The following ALCAM variants were observed in gnomAD, a reference collection of about 807,000 sequenced individuals.
ALCAM encodes CD166 antigen.
Under a neutral mutation model 70.9 loss-of-function variants are expected in ALCAM, and 30 were observed. The observed-to-expected ratio is 0.42, with a 90% confidence interval of 0.32 to 0.57. ALCAM has a LOEUF of 0.57. ALCAM is among the 20% of genes least tolerant of loss of function. The pLI, the probability that ALCAM is intolerant of heterozygous loss-of-function variation, is 0.11. For synonymous variants in ALCAM, 249 were observed against 242.5 expected (o/e 1.03, Z -0.25); for missense variants, 591 against 695.1 (o/e 0.85, Z 1.68).
chr3:105,420,536 T>C (rs1289595321), intron 1 of ALCAM, among the ~76,000 whole-genome samples: 2 of 151,712 alleles, frequency 1.3e-5, no homozygotes, highest in Non-Finnish European at 3.0e-5. Flanking sequence ...TGGAATTATA[T>C]TACTGAATTT....
intron 1 of ALCAM, among the ~76,000 whole-genome samples, chr3:105,376,606 AG>A (rs1367398289): frequency 6.6e-6 from 1 of 152,248 alleles, no homozygotes; most frequent in Non-Finnish European, 1.5e-5. Context: ...ATGTTCTCTC[AG>A]GGAAACAGAT....
intron 14 of ALCAM, among the ~76,000 whole-genome samples, chr3:105,559,379 A>G (rs568203960): frequency 1.3e-5 from 2 of 151,138 alleles, no homozygotes; most frequent in Non-Finnish European, 2.9e-5. Flanking sequence ...AAAAAAACAA[A>G]ACAAATTTAT....
chr3:105,408,066 C>G (rs1936294133), intron 1 of ALCAM, among the ~76,000 whole-genome samples: 1 of 151,980 alleles, frequency 6.6e-6, no homozygotes, highest in Non-Finnish European at 1.5e-5. Context: ...ATACATGACA[C>G]AAACAAATGA....
intron 1 of ALCAM, among the ~76,000 whole-genome samples, chr3:105,415,812 T>A (rs1468554691): frequency 2.0e-5 from 3 of 152,110 alleles, no homozygotes; most frequent in Non-Finnish European, 4.4e-5. Context: ...TTTACAAAGA[T>A]AATTTATTTT....
chr3:105,456,116 G>A (rs2152594619), intron 1 of ALCAM, among the ~76,000 whole-genome samples: 1 of 152,224 alleles, frequency 6.6e-6, no homozygotes, highest in Admixed American at 6.5e-5. Flanking sequence ...AAACAAAAAA[G>A]TAGGTGTAAA....
chr3:105,415,971 G>T (rs139155753), intron 1 of ALCAM, among the ~76,000 whole-genome samples: 1 of 151,982 alleles, frequency 6.6e-6, no homozygotes, highest in African/African-American at 2.4e-5. Flanking sequence ...AAGGCAACCA[G>T]GTATGACATG....
chr3:105,367,354 C>G lies in ALCAM; in HGVS notation c.-55C>G. The G allele has an allele frequency of 1.9e-6, 3 of 1,587,304 alleles. No homozygotes were observed. Among genetic ancestry groups the G allele is most frequent in the South Asian group, 1.1e-5 (1 of 90,128 alleles). ...GCGGGCACCGCGGGGCCCGGGACGA[C>G]GCCCCCTCCTGCGGCGTGGACTCCG... is the stretch of plus-strand genomic sequence containing the variant. On this transcript the variant is annotated 5_prime_UTR_variant, in exon 1 of 16. Coordinates refer to ENST00000306107, the MANE Select transcript of ALCAM (RefSeq NM_001627.4).
At chr3:105,435,198 T>C (rs1382098440) in intron 1 of ALCAM, among the ~76,000 whole-genome samples, 2 of 152,206 alleles carry the variant, frequency 1.3e-5, no homozygotes, top group African/African-American at 4.8e-5. Flanking sequence ...ATGCTTATGG[T>C]TGTTTACTAC....
chr3:105,381,427 T>C (rs932348651), intron 1 of ALCAM, among the ~76,000 whole-genome samples: 5 of 151,910 alleles, frequency 3.3e-5, no homozygotes, highest in African/African-American at 1.2e-4. Context: ...GGGCGTAACC[T>C]TGAATCTACT....
intron 1 of ALCAM, among the ~76,000 whole-genome samples, chr3:105,376,111 AAGAC>A (rs1450188403): frequency 6.6e-6 from 1 of 151,882 alleles, no homozygotes; most frequent in Non-Finnish European, 1.5e-5. Flanking sequence ...AGGAGAGAGA[AAGAC>A]AGAGACAGAG....
intron 1 of ALCAM, among the ~76,000 whole-genome samples, chr3:105,442,768 G>A (rs778005855): frequency 2.0e-5 from 3 of 151,656 alleles, no homozygotes; most frequent in Non-Finnish European, 4.4e-5. Flanking sequence ...GTGACAGAGC[G>A]AGATTCCGTC....
At chr3:105,477,298 A>G (rs1266708209) in intron 1 of ALCAM, among the ~76,000 whole-genome samples, 1 of 152,036 alleles carries the variant, frequency 6.6e-6, no homozygotes, top group Admixed American at 6.6e-5. Flanking sequence ...AATTCCCTTC[A>G]GTTTGAAGAA....
intron 1 of ALCAM, among the ~76,000 whole-genome samples, chr3:105,380,982 G>T (rs1935505347): frequency 6.6e-6 from 1 of 151,870 alleles, no homozygotes; most frequent in African/African-American, 2.4e-5. Context: ...TATGGTGTCT[G>T]TAGCCAAATT....
chr3:105,541,345 T>C (rs1940111326), intron 7 of ALCAM, among the ~76,000 whole-genome samples: 1 of 151,960 alleles, frequency 6.6e-6, no homozygotes, highest in African/African-American at 2.4e-5. Flanking sequence ...AAATAAAACA[T>C]TGGACTTTTT....
rs541887779 is a variant in ALCAM at position 105,546,073 on chromosome 3, T to C, written c.1104+738T>C. 5.2e-4 allele frequency among the ~76,000 whole-genome samples: 78 copies of C among 151,450 alleles called. 1 individual carries two copies. In the South Asian group the frequency reaches 0.011, roughly 21 times the overall value. On this transcript the variant is annotated intron_variant, in intron 9 of 15. Transcript: ENST00000306107. ...GTAAGGAAGTGTGACTGATAATTGG[T>C]GATTTGAGACAAGGTTATCACCAAA...
intron 1 of ALCAM, among the ~76,000 whole-genome samples, chr3:105,410,098 T>C (rs184387345): frequency 2.0e-5 from 3 of 152,194 alleles, no homozygotes; most frequent in African/African-American, 7.2e-5. Context: ...TCTTTAAAAA[T>C]AGGAGTACCA....
chr3:105,380,534 T>C (rs898439628), intron 1 of ALCAM, among the ~76,000 whole-genome samples: 2 of 151,880 alleles, frequency 1.3e-5, no homozygotes, highest in Non-Finnish European at 2.9e-5. Flanking sequence ...ATATTTTGAT[T>C]TAGAAGAAGA....
At chr3:105,433,349 A>T (rs769004323) in intron 1 of ALCAM, among the ~76,000 whole-genome samples, 20 of 152,144 alleles carry the variant, frequency 1.3e-4, no homozygotes, top group Non-Finnish European at 2.2e-4. Flanking sequence ...TCACTACAAG[A>T]TCCTGAACAC....
intron 2 of ALCAM, among the ~76,000 whole-genome samples, chr3:105,521,029 C>T (rs1939522260): frequency 6.6e-6 from 1 of 152,150 alleles, no homozygotes; most frequent in Non-Finnish European, 1.5e-5. Flanking sequence ...CGGCCGGGCG[C>T]GGTGGCTCAC....
Sources: gnomAD v4.1 joint callset for allele counts (sites outside exome capture counted in the v4.1 genomes callset) on GRCh38, gnomAD v4.1.1 for gene constraint, MANE v1.5 for transcripts, NCBI Gene and HGNC (gene_info 2026-07-23, HGNC 2026-07-21) for gene names.